The following HAUS6 variants were observed in gnomAD, a reference collection of about 807,000 sequenced individuals.
HAUS6 encodes the protein HAUS augmin-like complex subunit 6.
A neutral mutation model predicts 106.8 loss-of-function variants in HAUS6; 80 were observed. The observed-to-expected ratio is 0.75, with a 90% CI of 0.63 to 0.90. HAUS6 has a LOEUF of 0.90. Among genes scored for constraint, HAUS6 ranks in the 40% least tolerant of loss-of-function variants. The pLI, the probability that HAUS6 is intolerant of heterozygous loss-of-function variation, is 0.00. For missense variants in HAUS6, 1,155 were observed against 1,118.1 expected (o/e 1.03, Z -0.47); for synonymous variants, 356 against 379.1 (o/e 0.94, Z 0.71).
chr9:19,096,550 G>A (rs557809129), intron 2 of HAUS6, 124 bp downstream of exon 2: 2 of 546,986 alleles, frequency 3.7e-6, no homozygotes, highest in East Asian at 6.8e-5. Flanking sequence ...CGATGACGGA[G>A]TGAGACTCCG....
Position 19,060,037 on chromosome 9 carries a change from A to G in HAUS6, c.1765+51T>C, listed in dbSNP as rs191230551. On this transcript the variant is annotated intron_variant, in intron 15 of 16. Transcript: ENST00000380502. Reference sequence around the variant, plus strand: ...AGATCTGTCAGGCCATGGTTCTAACAGTGGTTATGTCGATGAAAGAAAAAA... The same window carrying G: ...AGATCTGTCAGGCCATGGTTCTAACGGTGGTTATGTCGATGAAAGAAAAAA... 1.8e-5 allele frequency: 26 copies of G among 1,451,726 alleles called. No individual in the cohort carries two copies. The African/African-American group carries it at 3.1e-4, about 17-fold the overall frequency. 89.9% of individuals were successfully genotyped at this position (1,451,726 alleles called of 1,614,324 possible).
chr9:19,070,873 C>T (rs745906918), intron 11 of HAUS6, among the ~76,000 whole-genome samples: 2 of 152,188 alleles, frequency 1.3e-5, no homozygotes, highest in Non-Finnish European at 2.9e-5. Flanking sequence ...AGGCAGAGGA[C>T]AGACATCCAG....
intron 13 of HAUS6, 83 bp downstream of exon 13, chr9:19,063,431 T>C: frequency 1.4e-6 from 1 of 724,436 alleles, no homozygotes; most frequent in Non-Finnish European, 2.3e-6. Context: ...GAAATTAAAT[T>C]TAACTGTGGT....
At chr9:19,057,201 C>G (rs1346833525) in intron 16 of HAUS6, 1 of 152,254 alleles carries the variant, frequency 6.6e-6, no homozygotes, top group African/African-American at 2.4e-5. Context: ...GTGGTCATTA[C>G]AGATATAATT....
At chr9:19,079,881 A>C (rs1440359316) in intron 9 of HAUS6, among the ~76,000 whole-genome samples, 1 of 141,630 alleles carries the variant, frequency 7.1e-6, no homozygotes, top group South Asian at 2.2e-4. Flanking sequence ...ACTCTGTCTC[A>C]AAAAAAAAAG....
chr9:19,058,154 T>C lies in HAUS6; in HGVS notation c.2613A>G (p.Gln871=). Residue 871 remains glutamine (Q), a synonymous_variant, in exon 16 of 17, where the codon CAA becomes CAG. Coordinates refer to ENST00000380502, the MANE Select transcript of HAUS6 (RefSeq NM_017645.5). ...TAAGCGTATCATCTGTTTGTACATT[T>C]TGGGGAGTAGGGCTCAATTCTGGTT... ...RHKPELSPTP[Q]NVQTDDTLNF... The C allele has an allele frequency of 6.2e-7, 1 of 1,613,960 alleles. No individual in the cohort carries two copies. Among genetic ancestry groups the C allele is most frequent in the Non-Finnish European group, 8.5e-7 (1 of 1,179,852 alleles).
chr9:19,063,848 T>C (rs957399353), intron 12 of HAUS6: 60 of 622,802 alleles, frequency 9.6e-5, no homozygotes, highest in African/African-American at 8.8e-4. Context: ...AAGAGTTAAG[T>C]GACTTAATGA....
In HAUS6 at chr9:19,070,311, T is replaced by G; in HGVS notation, c.1295-11A>C. ...GTTGCTTATGTGCATCTAAAGAAAT[T>G]TAAAAATTGGTTACTCTTTAATTAT... On this transcript the variant is annotated splice_polypyrimidine_tract_variant and intron_variant, in intron 11 of 16. Coordinates refer to ENST00000380502, the MANE Select transcript of HAUS6 (RefSeq NM_017645.5). 6.9e-7 allele frequency: 1 copy of G among 1,444,594 alleles called. No homozygotes were observed. Among genetic ancestry groups the G allele is most frequent in the Admixed American group, 1.7e-5 (1 of 58,742 alleles). The allele number at this position is 1,444,594 out of a possible 1,614,324, so 89.5% of individuals were successfully genotyped here.
rs1443985735 is a variant in HAUS6 at position 19,063,106 on chromosome 9, C to A, written c.1531G>T (p.Asp511Tyr). Residue 511 changes from aspartate (D) to tyrosine (Y), a missense_variant, in exon 14 of 17, where the codon GAT (aspartate) becomes TAT (tyrosine). Asp to Tyr is a radical substitution (Grantham distance 160). Around this residue, in one of 3 missense-constraint regions of HAUS6, gnomAD observed 761 missense variants for 690.0 expected, o/e 1.10. Coordinates refer to ENST00000380502, the MANE Select transcript of HAUS6 (RefSeq NM_017645.5). ...CTACTCTCTGTATTCTTTGCAACATCTGATAATGGAGAATTTTCCACTTCA... is the reference window on the plus strand; with the variant it reads ...CTACTCTCTGTATTCTTTGCAACATATGATAATGGAGAATTTTCCACTTCA... ...EFEVENSPLSDVAKNTESSAF... is the reference protein window; with the variant it reads ...EFEVENSPLSYVAKNTESSAF... The A allele has an allele frequency of 3.1e-6, 5 of 1,605,488 alleles. No individual in the cohort carries two copies. The highest frequency in any genetic ancestry group is 4.3e-6 in the Non-Finnish European group (5 of 1,173,880).
rs150754068 is a variant in HAUS6 at position 19,058,786 on chromosome 9, C to G, written c.1981G>C (p.Asp661His). The change falls in exon 16 of 17, where the codon GAT (aspartate) becomes CAT (histidine). Residue 661 changes from aspartate to histidine, a missense_variant. Physicochemically the swap from Asp to His is moderately conservative, Grantham distance 81. Transcript: ENST00000380502. ...TGTTTCTGAGGCACACACTCGCAAT[C>G]TGAAATAACTTTCTCTTCAGTCAAA... ...SHLTEEKVIS[D>H]CECVPQKHVL... The G allele has an allele frequency of 4.3e-4, 695 of 1,614,074 alleles. 5 individuals are homozygous for G. Among genetic ancestry groups the G allele is most frequent in the Non-Finnish European group, 4.4e-4 (516 of 1,180,030 alleles).
chr9:19,089,366 G>A, intron 5 of HAUS6, 46 bp downstream of exon 5: 8 of 1,281,092 alleles, frequency 6.2e-6, no homozygotes, highest in Middle Eastern at 2.0e-4. Flanking sequence ...GGTGACATCT[G>A]TTCAAAAGAA....
chr9:19,063,504 T>TA lies in HAUS6; in HGVS notation c.1443+9dup, dbSNP rs1247859724. On this transcript the variant is annotated intron_variant, in intron 13 of 16. Transcript: ENST00000380502. ...GTCCAGAATTAATTGAGACTTATTT[T>TA]AAAATATACCTTTTCAAGTACTGTA... 9.1e-6 allele frequency: 13 copies of TA among 1,435,018 alleles called. No individual in the cohort carries two copies. The highest frequency in any genetic ancestry group is 1.2e-5 in the Non-Finnish European group (12 of 1,024,406). 88.9% of individuals were successfully genotyped at this position (1,435,018 alleles called of 1,614,324 possible).
chr9:19,095,317 G>C (rs986911311), intron 2 of HAUS6, among the ~76,000 whole-genome samples: 29 of 151,908 alleles, frequency 1.9e-4, no homozygotes, highest in African/African-American at 6.8e-4. Flanking sequence ...AATTATTTAA[G>C]GCCTCATACC....
chr9:19,087,069 TC>T, intron 6 of HAUS6, 21 bp downstream of exon 6: 1 of 1,212,474 alleles, frequency 8.2e-7, no homozygotes, highest in South Asian at 1.2e-5. Flanking sequence ...TAAGGCAACT[TC>T]TAGCTCTAAA....
Position 19,094,341 on chromosome 9 carries a change from G to A in HAUS6, c.279C>T (p.Cys93=), listed in dbSNP as rs1817816104. The change falls in exon 3 of 17, where the codon TGC becomes TGT. Residue 93 remains cysteine, a synonymous_variant. Coordinates refer to ENST00000380502, the MANE Select transcript of HAUS6 (RefSeq NM_017645.5). The stretch of plus-strand genomic sequence containing the variant: ...CAGAAATCCTTTTTATCCATTCACA[G>A]CAATGTTTTCGGAATTCAGTGTCAC... The part of the protein sequence containing the change: ...QKSDTEFRKH[C]CEWIKRISGE... 1 of 1,600,250 alleles carries A rather than the reference G, an allele frequency of 6.2e-7. No homozygotes were observed. Among genetic ancestry groups the A allele is most frequent in the Non-Finnish European group, 8.5e-7 (1 of 1,170,164 alleles).
intron 10 of HAUS6, 102 bp downstream of exon 10, chr9:19,078,074 G>A (rs931656817): frequency 3.0e-5 from 26 of 855,296 alleles, no homozygotes; most frequent in Non-Finnish European, 4.3e-5. Flanking sequence ...AGCTATGATC[G>A]TGCCACTCTA....
intron 9 of HAUS6, 21 bp from the exon 10 acceptor site, chr9:19,078,323 T>G (rs764111419): frequency 6.0e-6 from 8 of 1,323,446 alleles, no homozygotes; most frequent in Admixed American, 2.1e-5. Flanking sequence ...ATAAAAAAAC[T>G]TTATTCAAAA....
At chr9:19,060,894 G>C (rs1182990206) in intron 14 of HAUS6, among the ~76,000 whole-genome samples, 1 of 152,228 alleles carries the variant, frequency 6.6e-6, no homozygotes, top group Non-Finnish European at 1.5e-5. Context: ...GGGCATGGTG[G>C]CTCACGCCTG....
At chr9:19,097,551 T>C (rs1012225450) in intron 1 of HAUS6, among the ~76,000 whole-genome samples, 6 of 152,010 alleles carry the variant, frequency 3.9e-5, no homozygotes, top group African/African-American at 1.4e-4. Flanking sequence ...CACAATGAGA[T>C]ACCATCTCAC....
Sources: gnomAD v4.1 joint callset for allele counts (sites outside exome capture counted in the v4.1 genomes callset) on GRCh38, gnomAD v4.1.1 for gene constraint, gnomAD v4.1.1 regional missense constraint, MANE v1.5 for transcripts, NCBI Gene and HGNC (gene_info 2026-07-23, HGNC 2026-07-21) for gene names.